The following NXPH1 variants were observed in gnomAD, a reference collection of about 807,000 sequenced individuals.
NXPH1 encodes the protein neurexophilin 1, also known as neurexophilin-1.
In NXPH1, 5 loss-of-function variants were observed where a neutral mutation model predicts 23.7. The ratio of observed to expected loss-of-function variants is 0.21; its 90% CI spans 0.11 to 0.44. The LOEUF (loss-of-function observed/expected upper bound fraction) is 0.44. Ranked by LOEUF, NXPH1 falls within the 20% of genes least tolerant of loss-of-function variation. The pLI is 0.99. For synonymous variants in NXPH1, 144 were observed against 122.2 expected (o/e 1.18, Z -1.18); for missense variants, 324 against 321.6 (o/e 1.01, Z -0.06).
rs1780345671 is a variant in NXPH1, at chr7:8,740,665, T to C, written c.55-10343T>C. Among the ~76,000 whole-genome samples the C allele has an allele frequency of 2.0e-5, 3 of 152,190 alleles. No individual in the cohort carries two copies. The South Asian group carries it at 6.2e-4, about 31-fold the overall frequency. On this transcript the variant is annotated intron_variant, in intron 2 of 2. Transcript: ENST00000405863. ...CTCTGTGGTACCTGAAGCACTGCTT[T>C]GCATGAAGGAAATGATGTACCTTTT... is the stretch of plus-strand genomic sequence containing the variant.
At chr7:8,462,343 G>C (rs986211555) in intron 2 of NXPH1, among the ~76,000 whole-genome samples, 1 of 152,140 alleles carries the variant, frequency 6.6e-6, no homozygotes, top group Non-Finnish European at 1.5e-5. Context: ...CACTGCACCC[G>C]ACCTTGTATT....
intron 2 of NXPH1, among the ~76,000 whole-genome samples, chr7:8,723,929 A>C (rs1780007567): frequency 6.6e-6 from 1 of 152,250 alleles, no homozygotes; most frequent in African/African-American, 2.4e-5. Flanking sequence ...ATGAAGCTAG[A>C]GACATAGACA....
At chr7:8,543,998 C>G (rs935086737) in intron 2 of NXPH1, among the ~76,000 whole-genome samples, 3 of 151,450 alleles carry the variant, frequency 2.0e-5, no homozygotes, top group Non-Finnish European at 3.0e-5. Context: ...GTGACTTAAC[C>G]GAGTTCATAC....
intron 2 of NXPH1, among the ~76,000 whole-genome samples, chr7:8,616,248 T>A (rs1819735204): frequency 6.6e-6 from 1 of 150,572 alleles, no homozygotes; most frequent in Admixed American, 6.6e-5. Context: ...ATAGGTAAAC[T>A]TCATTTTGAA....
At chr7:8,646,134 TA>T (rs1167668338) in intron 2 of NXPH1, among the ~76,000 whole-genome samples, 1 of 152,170 alleles carries the variant, frequency 6.6e-6, no homozygotes, top group African/African-American at 2.4e-5. Flanking sequence ...CTTCAACTTT[TA>T]AATGGTCTTA....
At chr7:8,501,812 T>C (rs1202516099) in intron 2 of NXPH1, among the ~76,000 whole-genome samples, 8 of 152,008 alleles carry the variant, frequency 5.3e-5, no homozygotes, top group African/African-American at 1.9e-4. Context: ...ACGAGAGCTA[T>C]AGCAAGAACA....
chr7:8,702,644 T>A (rs988367408), intron 2 of NXPH1, among the ~76,000 whole-genome samples: 11 of 152,288 alleles, frequency 7.2e-5, no homozygotes, highest in Non-Finnish European at 7.4e-5. Context: ...TGGACAATAA[T>A]GGTGAGACAA....
intron 2 of NXPH1, among the ~76,000 whole-genome samples, chr7:8,481,649 T>G: frequency 6.6e-6 from 1 of 152,200 alleles, no homozygotes; most frequent in East Asian, 1.9e-4. Context: ...TTATCTTGCT[T>G]TAATAACTTT....
At chr7:8,498,601 T>G (rs938181948) in intron 2 of NXPH1, among the ~76,000 whole-genome samples, 1 of 152,060 alleles carries the variant, frequency 6.6e-6, no homozygotes, top group African/African-American at 2.4e-5. Flanking sequence ...AGTCTCTCAT[T>G]TTTTTGTTCT....
chr7:8,717,076 T>C (rs1349500897), intron 2 of NXPH1, among the ~76,000 whole-genome samples: 1 of 152,232 alleles, frequency 6.6e-6, no homozygotes, highest in East Asian at 1.9e-4. Context: ...ATTGGAAATG[T>C]AACCATGTCT....
intron 2 of NXPH1, among the ~76,000 whole-genome samples, chr7:8,666,759 G>T (rs1384902193): frequency 6.6e-6 from 1 of 151,924 alleles, no homozygotes; most frequent in Non-Finnish European, 1.5e-5. Context: ...GTTTTAGTAG[G>T]TAGTGTATGT....
intron 2 of NXPH1, among the ~76,000 whole-genome samples, chr7:8,689,501 T>G (rs1322660530): frequency 6.6e-6 from 1 of 152,128 alleles, no homozygotes. Flanking sequence ...TGCATAGGCC[T>G]GAAGGGGAGT....
intron 2 of NXPH1, among the ~76,000 whole-genome samples, chr7:8,593,164 A>C (rs1191636338): frequency 7.0e-6 from 1 of 143,660 alleles, no homozygotes; most frequent in Non-Finnish European, 1.5e-5. Context: ...TTCTCAGAGT[A>C]AGAAGCATTT....
intron 2 of NXPH1, among the ~76,000 whole-genome samples, chr7:8,685,997 G>A (rs529652608): frequency 1.1e-4 from 16 of 152,140 alleles, no homozygotes; most frequent in East Asian, 9.6e-4. Flanking sequence ...TTTATTCCAC[G>A]TTGCATGCGT....
chr7:8,469,742 T>C (rs1229546751), intron 2 of NXPH1, among the ~76,000 whole-genome samples: 1 of 152,156 alleles, frequency 6.6e-6, no homozygotes, highest in Non-Finnish European at 1.5e-5. Context: ...CTATTATTGC[T>C]AACTATAGAA....
intron 2 of NXPH1, among the ~76,000 whole-genome samples, chr7:8,745,498 A>T (rs1780451667): frequency 6.7e-6 from 1 of 150,010 alleles, no homozygotes. Context: ...TTAGTTAGAG[A>T]ATAATAAGTT....
intron 2 of NXPH1, among the ~76,000 whole-genome samples, chr7:8,531,752 G>T (rs1369516393): frequency 2.6e-5 from 4 of 152,104 alleles, no homozygotes; most frequent in African/African-American, 7.2e-5. Context: ...TATATTTTGG[G>T]GATGCCTCCA....
intron 2 of NXPH1, among the ~76,000 whole-genome samples, chr7:8,440,673 A>G (rs1283077129): frequency 6.6e-6 from 1 of 152,098 alleles, no homozygotes; most frequent in East Asian, 1.9e-4. Context: ...AATATTTTCG[A>G]AAGGGCATTT....
At chr7:8,521,683 C>T (rs1281284623) in intron 2 of NXPH1, among the ~76,000 whole-genome samples, 1 of 152,162 alleles carries the variant, frequency 6.6e-6, no homozygotes, top group South Asian at 2.1e-4. Context: ...AGTTTTTAGA[C>T]ATCATTGCAT....
Sources: allele counts gnomAD v4.1 joint callset (sites outside exome capture counted in the v4.1 genomes callset), GRCh38; gene constraint gnomAD v4.1.1; transcripts MANE v1.5; gene names NCBI Gene and HGNC (gene_info 2026-07-23, HGNC 2026-07-21).